CHODL: variants seen among roughly 807,000 people sequenced by gnomAD.
CHODL encodes the protein transmembrane protein MT75.
A neutral mutation model predicts 34.5 loss-of-function variants in CHODL; 29 were observed. That is an observed-to-expected ratio of 0.84 (90% CI 0.63 to 1.15). CHODL has a LOEUF of 1.15. CHODL is among the 50% of genes most tolerant of loss of function. The pLI is 0.00. For missense variants in CHODL, 332 were observed against 332.5 expected, an observed-to-expected ratio of 1.00 and a Z score of 0.01; for synonymous variants, 125 against 116.1, an observed-to-expected ratio of 1.08 and a Z score of -0.49.
chr21:18,097,868 A>C (rs996425367), intron 2 of CHODL, among the ~76,000 whole-genome samples: 1 of 152,114 alleles, frequency 6.6e-6, no homozygotes, highest in African/African-American at 2.4e-5. Flanking sequence ...ATAAAAACAG[A>C]CACATAGACC....
intron 1 of CHODL, among the ~76,000 whole-genome samples, chr21:17,957,660 A>G (rs2063502712): frequency 6.6e-6 from 1 of 152,052 alleles, no homozygotes; most frequent in African/African-American, 2.4e-5. Flanking sequence ...TAAAGGATCC[A>G]AGATATTAAA....
intron 1 of CHODL, among the ~76,000 whole-genome samples, chr21:17,979,553 G>A (rs1422045831): frequency 3.3e-5 from 5 of 151,982 alleles, no homozygotes; most frequent in Non-Finnish European, 5.9e-5. Flanking sequence ...GCTAATTTTT[G>A]GTTTATTGTA....
At chr21:18,191,989 T>C (rs2073516252) in intron 2 of CHODL, among the ~76,000 whole-genome samples, 1 of 152,192 alleles carries the variant, frequency 6.6e-6, no homozygotes, top group Admixed American at 6.5e-5. Flanking sequence ...TGAAAGTCTT[T>C]AGATGTTTCC....
At chr21:18,197,500 C>T (rs1380312144) in intron 2 of CHODL, among the ~76,000 whole-genome samples, 2 of 152,096 alleles carry the variant, frequency 1.3e-5, no homozygotes, top group East Asian at 3.8e-4. Flanking sequence ...CCTGTAATCC[C>T]AACTAATCTG....
At chr21:18,089,743 C>T (rs528751608) in intron 2 of CHODL, among the ~76,000 whole-genome samples, 87 of 151,262 alleles carry the variant, frequency 5.8e-4, no homozygotes, top group Middle Eastern at 3.4e-3. Context: ...AAATAAAAAG[C>T]TTTTAAACTT....
intron 2 of CHODL, among the ~76,000 whole-genome samples, chr21:18,192,905 A>G (rs1418670577): frequency 6.6e-6 from 1 of 152,198 alleles, no homozygotes; most frequent in Non-Finnish European, 1.5e-5. Context: ...CAAGAATCAT[A>G]AAATAAGCTC....
rs964863019 is a variant in CHODL at position 18,137,105 on chromosome 21, A to T, written c.-45+109134A>T. ...AAGTCTTCCTCTTCTATCCACTTAA[A>T]ATGACTTAAATCCTTGGCCTGTGTG... On this transcript the variant is annotated intron_variant, in intron 2 of 6. Coordinates refer to the CHODL transcript ENST00000400127. Among the ~76,000 whole-genome samples, 4 of 151,954 alleles carry T rather than the reference A, an allele frequency of 2.6e-5. No homozygotes were observed. The Middle Eastern group carries it at 9.5e-3, about 361-fold the overall frequency.
intron 2 of CHODL, among the ~76,000 whole-genome samples, chr21:18,201,085 T>TA (rs1160189786): frequency 4.6e-5 from 7 of 151,894 alleles, no homozygotes; most frequent in African/African-American, 7.2e-5. Flanking sequence ...GCAGTCGTAC[T>TA]AAAAAAAATA....
At chr21:18,248,794 ATG>A (rs1182318302) in intron 1 of CHODL, among the ~76,000 whole-genome samples, 3 of 120,384 alleles carry the variant, frequency 2.5e-5, no homozygotes, top group Admixed American at 9.5e-5. Flanking sequence ...ATATATGTAT[ATG>A]TGTGTATATA....
chr21:18,049,180 A>G (rs2146465630), intron 2 of CHODL, among the ~76,000 whole-genome samples: 1 of 152,092 alleles, frequency 6.6e-6, no homozygotes, highest in East Asian at 1.9e-4. Flanking sequence ...GAGTAATTCT[A>G]TTACCAGTTG....
At chr21:18,209,444 A>G (rs532587427) in intron 2 of CHODL, among the ~76,000 whole-genome samples, 1 of 152,234 alleles carries the variant, frequency 6.6e-6, no homozygotes, top group Non-Finnish European at 1.5e-5. Flanking sequence ...CTGGCCTAGG[A>G]GAGGTCCAGA....
chr21:18,093,804 G>A (rs1049730656), intron 2 of CHODL, among the ~76,000 whole-genome samples: 3 of 151,840 alleles, frequency 2.0e-5, no homozygotes, highest in Non-Finnish European at 4.4e-5. Context: ...TAAAAGACAG[G>A]AAGGAAGGAA....
chr21:18,225,462 C>A (rs911960188), intron 2 of CHODL, among the ~76,000 whole-genome samples: 1 of 152,038 alleles, frequency 6.6e-6, no homozygotes, highest in Non-Finnish European at 1.5e-5. Flanking sequence ...TATTATTATT[C>A]TATTTGACAT....
intron 2 of CHODL, among the ~76,000 whole-genome samples, chr21:18,055,624 C>CTAAA (rs753944783): frequency 6.6e-6 from 1 of 151,920 alleles, no homozygotes; most frequent in African/African-American, 2.4e-5. Flanking sequence ...TCCGGCAGGG[C>CTAAA]TAAAGTGTGG....
At chr21:17,934,784 A>C (rs532630210) in intron 1 of CHODL, among the ~76,000 whole-genome samples, 5 of 152,176 alleles carry the variant, frequency 3.3e-5, no homozygotes, top group Non-Finnish European at 7.4e-5. Context: ...ATTTATGTGC[A>C]TATGTTTTGT....
At chr21:18,130,791 A>G (rs2072645209) in intron 2 of CHODL, among the ~76,000 whole-genome samples, 1 of 152,240 alleles carries the variant, frequency 6.6e-6, no homozygotes, top group Non-Finnish European at 1.5e-5. Context: ...CATGGTTTCC[A>G]CTAAAGAATG....
chr21:18,251,012 C>T (rs1186275705), intron 1 of CHODL, among the ~76,000 whole-genome samples: 1 of 151,182 alleles, frequency 6.6e-6, no homozygotes, highest in African/African-American at 2.4e-5. Flanking sequence ...TTATTATTTT[C>T]ATAACTAACT....
intron 1 of CHODL, among the ~76,000 whole-genome samples, chr21:17,917,916 G>A (rs2824549): frequency 0.39 from 58,713 of 151,294 alleles, 11,427 homozygotes; most frequent in South Asian, 0.55. Context: ...TAGTTCTGCC[G>A]TTCTTGAAGC....
intron 1 of CHODL, among the ~76,000 whole-genome samples, chr21:17,981,960 G>A (rs189038029): frequency 6.6e-6 from 1 of 152,186 alleles, no homozygotes; most frequent in Non-Finnish European, 1.5e-5. Context: ...ATATTTATTT[G>A]TAGGCCCCCA....
Sources: gnomAD v4.1 joint callset for allele counts (sites outside exome capture counted in the v4.1 genomes callset) on GRCh38, gnomAD v4.1.1 for gene constraint, MANE v1.5 for transcripts, NCBI Gene and HGNC (gene_info 2026-07-23, HGNC 2026-07-21) for gene names.